The following TMC2 variants were observed in gnomAD, a reference collection of about 807,000 sequenced individuals.
TMC2 encodes transmembrane channel like 2, also known as transmembrane channel-like protein 2.
A neutral mutation model predicts 105.9 loss-of-function variants in TMC2; 102 were observed. That is an observed-to-expected ratio of 0.96 (90% CI 0.82 to 1.14). TMC2 has a LOEUF of 1.14. Ranked by LOEUF, TMC2 falls within the 50% of genes most tolerant of loss-of-function variation. TMC2 has a pLI of 0.00. For missense variants in TMC2, 1,093 were observed against 1,134.3 expected (o/e 0.96, Z 0.52); for synonymous variants, 402 against 422.8 (o/e 0.95, Z 0.60).
chr20:2,598,840 G>A (rs889465959), intron 10 of TMC2, among the ~76,000 whole-genome samples: 16 of 152,006 alleles, frequency 1.1e-4, no homozygotes, highest in African/African-American at 3.9e-4. Context: ...TATAAAAACA[G>A]GCATGGGGGG....
intron 4 of TMC2, among the ~76,000 whole-genome samples, chr20:2,570,529 T>C (rs568569938): frequency 2.0e-5 from 3 of 152,074 alleles, no homozygotes; most frequent in Non-Finnish European, 4.4e-5. Flanking sequence ...AAAAAATCCA[T>C]GCTCATGGAT....
chr20:2,543,903 G>GTTT (rs1555769797), intron 2 of TMC2, among the ~76,000 whole-genome samples: 3 of 144,184 alleles, frequency 2.1e-5, no homozygotes, highest in Non-Finnish European at 4.5e-5. Flanking sequence ...CTGCATGTCA[G>GTTT]TTTTTTTTTT....
chr20:2,619,511 G>A (rs183481816), intron 16 of TMC2, among the ~76,000 whole-genome samples: 27 of 152,216 alleles, frequency 1.8e-4, no homozygotes, highest in Admixed American at 4.6e-4. Context: ...CTCATGTCCC[G>A]CACAAACACA....
intron 2 of TMC2, among the ~76,000 whole-genome samples, chr20:2,549,752 T>C (rs2085946044): frequency 6.6e-6 from 1 of 152,174 alleles, no homozygotes; most frequent in Non-Finnish European, 1.5e-5. Context: ...CTTCTGAAGT[T>C]TGCAACTCCT....
At chr20:2,543,237 AAAAAT>A (rs1177213190) in intron 2 of TMC2, among the ~76,000 whole-genome samples, 14 of 152,170 alleles carry the variant, frequency 9.2e-5, no homozygotes, top group Middle Eastern at 3.2e-3. Flanking sequence ...ACTCTGTCTC[AAAAAT>A]AAAATAAAAT....
intron 2 of TMC2, among the ~76,000 whole-genome samples, chr20:2,551,441 CAGA>C (rs1292152376): frequency 1.3e-5 from 2 of 151,362 alleles, no homozygotes; most frequent in African/African-American, 2.4e-5. Flanking sequence ...TTTTGCAGAG[CAGA>C]AGTTTTTAGT....
intron 13 of TMC2, 71 bp from the exon 14 acceptor site, chr20:2,613,123 C>A: frequency 6.4e-7 from 1 of 1,550,508 alleles, no homozygotes; most frequent in Non-Finnish European, 8.7e-7. Flanking sequence ...AGACTCTCAA[C>A]AAACTCTCAG....
At chr20:2,637,615 A>T in intron 19 of TMC2, 24 bp downstream of exon 19, 1 of 1,528,206 alleles carries the variant, frequency 6.5e-7, no homozygotes, top group Non-Finnish European at 9.1e-7. Context: ...CATAATGATT[A>T]TGTTTTACAA....
chr20:2,574,319 T>C (rs2086127346), intron 5 of TMC2, among the ~76,000 whole-genome samples: 1 of 152,254 alleles, frequency 6.6e-6, no homozygotes, highest in Admixed American at 6.5e-5. Flanking sequence ...AAGATTGATA[T>C]GAATTTGTGT....
chr20:2,589,270 CTGTG>C lies in TMC2; in HGVS notation c.835-2989_835-2986del, dbSNP rs750496572. Reference sequence around the variant, plus strand: ...TTTTCCAGATATCTTCCTATTTGCCCTGTGTGTGTGTGTGTGTGTGTGTGTGTGT... The same window carrying C: ...TTTTCCAGATATCTTCCTATTTGCCCTGTGTGTGTGTGTGTGTGTGTGTGT... On this transcript the variant is annotated intron_variant, in intron 7 of 19. Transcript: ENST00000358864. Among the ~76,000 whole-genome samples, 836 of 116,256 alleles carry C rather than the reference CTGTG, an allele frequency of 7.2e-3. 4 individuals carry two copies. The highest frequency in any genetic ancestry group is 0.021 in the Middle Eastern group (5 of 236). 76.3% of individuals were successfully genotyped at this position (116,256 alleles called of 152,430 possible).
intron 11 of TMC2, among the ~76,000 whole-genome samples, chr20:2,608,022 G>A (rs980100427): frequency 2.6e-5 from 4 of 151,792 alleles, no homozygotes; most frequent in African/African-American, 9.7e-5. Flanking sequence ...TACTTGGGAG[G>A]CTGAGGCAGG....
At chr20:2,603,149 C>T (rs1230974547) in intron 11 of TMC2, among the ~76,000 whole-genome samples, 1 of 151,838 alleles carries the variant, frequency 6.6e-6, no homozygotes, top group East Asian at 1.9e-4. Context: ...GCCAGTAAAC[C>T]ACCAGATATT....
chr20:2,577,787 C>G (rs6515577), intron 5 of TMC2, among the ~76,000 whole-genome samples: 4,080 of 152,032 alleles, frequency 0.027, 168 homozygotes, highest in African/African-American at 0.09. Flanking sequence ...GGTGGCTACT[C>G]AGGAGGCTGA....
chr20:2,626,826 C>T (rs900636222), intron 17 of TMC2, among the ~76,000 whole-genome samples: 9 of 152,126 alleles, frequency 5.9e-5, no homozygotes, highest in South Asian at 2.1e-4. Flanking sequence ...CGAAGTAGGA[C>T]GAACACAGAA....
intron 7 of TMC2, among the ~76,000 whole-genome samples, chr20:2,584,171 G>A (rs187166937): frequency 5.5e-4 from 83 of 152,186 alleles, no homozygotes; most frequent in African/African-American, 1.9e-3. Context: ...GAGGCCGGGC[G>A]CGGTGGCTCA....
At chr20:2,626,718 A>G (rs980019112) in intron 17 of TMC2, among the ~76,000 whole-genome samples, 4 of 152,204 alleles carry the variant, frequency 2.6e-5, no homozygotes, top group African/African-American at 7.2e-5. Flanking sequence ...TACTCCTACA[A>G]TGTGATCCTT....
Position 2,588,811 on chromosome 20 carries a change from C to T in TMC2, c.835-3499C>T, listed in dbSNP as rs1044640524. ...CATCTTTTTCTCTATATATTTAAGT[C>T]TGGACTTTTTTAACCCTGTATTAAA... is the stretch of plus-strand genomic sequence containing the variant. On this transcript the variant is annotated intron_variant, in intron 7 of 19. Transcript: ENST00000358864. Among the ~76,000 whole-genome samples the T allele has an allele frequency of 5.3e-5, 8 of 151,792 alleles. No individual in the cohort carries two copies. In the East Asian group the frequency reaches 1.5e-3, roughly 29 times the overall value.
chr20:2,635,816 AG>A, intron 17 of TMC2, 109 bp from the exon 18 acceptor site: 1 of 851,988 alleles, frequency 1.2e-6, no homozygotes, highest in South Asian at 1.4e-5. Flanking sequence ...ACCCACCCAA[AG>A]CCTCAGTAAC....
intron 17 of TMC2, among the ~76,000 whole-genome samples, chr20:2,632,935 A>G (rs936179061): frequency 3.3e-5 from 5 of 152,172 alleles, no homozygotes; most frequent in African/African-American, 7.2e-5. Context: ...AAATAGTATT[A>G]TATGGCAGCC....
Sources: allele counts gnomAD v4.1 joint callset (sites outside exome capture counted in the v4.1 genomes callset), GRCh38; gene constraint gnomAD v4.1.1; transcripts MANE v1.5; gene names NCBI Gene and HGNC (gene_info 2026-07-23, HGNC 2026-07-21).